MYO16: variants seen among roughly 807,000 people sequenced by gnomAD.
MYO16 encodes the protein myosin XVI, also known as unconventional myosin-XVI.
A neutral mutation model predicts 205.3 loss-of-function variants in MYO16; 94 were observed. That is an observed-to-expected ratio of 0.46 (90% CI 0.39 to 0.54). The LOEUF is 0.54. MYO16 is among the 20% of genes least tolerant of loss of function. The probability of loss-of-function intolerance (pLI) is 0.00; values close to 1 mark genes in which losing one functional copy is unlikely to be tolerated. For synonymous variants in MYO16, 988 were observed against 954.0 expected (o/e 1.04, Z -0.66); for missense variants, 2,315 against 2,387.5 (o/e 0.97, Z 0.63).
chr13:109,156,520 T>C (rs1051470955), intron 32 of MYO16, among the ~76,000 whole-genome samples: 9 of 152,236 alleles, frequency 5.9e-5, no homozygotes, highest in African/African-American at 2.2e-4. Context: ...CAGCTATAGT[T>C]TGTTTTTCTC....
At chr13:108,708,798 G>T (rs1207767702) in intron 2 of MYO16, among the ~76,000 whole-genome samples, 1 of 152,148 alleles carries the variant, frequency 6.6e-6, no homozygotes, top group Non-Finnish European at 1.5e-5. Flanking sequence ...TGGCAATACA[G>T]TATCTAGAAA....
At chr13:108,608,714 C>T (rs1230012125) in intron 1 of MYO16, among the ~76,000 whole-genome samples, 2 of 152,038 alleles carry the variant, frequency 1.3e-5, no homozygotes, top group Admixed American at 6.5e-5. Flanking sequence ...ACGATCTCAG[C>T]TCACTGCAAC....
chr13:109,068,643 G>A (rs1887829730), intron 27 of MYO16, among the ~76,000 whole-genome samples: 1 of 149,262 alleles, frequency 6.7e-6, no homozygotes, highest in African/African-American at 2.5e-5. Flanking sequence ...CCAAGCTGGA[G>A]TGCAATGGCA....
intron 4 of MYO16, among the ~76,000 whole-genome samples, chr13:108,759,623 C>A (rs1052905155): frequency 2.6e-5 from 4 of 152,050 alleles, no homozygotes; most frequent in African/African-American, 9.7e-5. Flanking sequence ...AGATTGAGAC[C>A]ATCCTGGCTA....
intron 22 of MYO16, among the ~76,000 whole-genome samples, chr13:109,011,979 G>A (rs1232540667): frequency 6.6e-6 from 1 of 151,972 alleles, no homozygotes; most frequent in African/African-American, 2.4e-5. Context: ...TCACAATAGG[G>A]GTCAATATAT....
chr13:108,796,118 A>G (rs987493925), intron 6 of MYO16, among the ~76,000 whole-genome samples: 1 of 152,134 alleles, frequency 6.6e-6, no homozygotes, highest in African/African-American at 2.4e-5. Context: ...ACAAGCTTTT[A>G]TGGGCCTATA....
At chr13:108,836,284 G>T (rs1459195630) in intron 9 of MYO16, among the ~76,000 whole-genome samples, 1 of 152,212 alleles carries the variant, frequency 6.6e-6, no homozygotes, top group African/African-American at 2.4e-5. Context: ...GGGCCTGTGG[G>T]TGCTCAGAAG....
intron 34 of MYO16, among the ~76,000 whole-genome samples, chr13:109,191,091 C>T (rs748058598): frequency 7.2e-5 from 11 of 151,856 alleles, no homozygotes; most frequent in African/African-American, 1.5e-4. Context: ...TCGTGGCAGG[C>T]GCTTGTAATC....
At chr13:108,911,447 A>G (rs1017453139) in intron 16 of MYO16, among the ~76,000 whole-genome samples, 2 of 152,142 alleles carry the variant, frequency 1.3e-5, no homozygotes, top group African/African-American at 2.4e-5. Flanking sequence ...AGGGCCGTTC[A>G]CAGATCTGAT....
chr13:108,546,720 C>A, the MYO16 span, among the ~76,000 whole-genome samples: 1 of 152,166 alleles, frequency 6.6e-6, no homozygotes, highest in African/African-American at 2.4e-5. Flanking sequence ...CCCATCACAG[C>A]ATGGATGCAA....
chr13:109,150,092 C>G (rs780239395), intron 32 of MYO16, among the ~76,000 whole-genome samples: 4 of 152,154 alleles, frequency 2.6e-5, no homozygotes, highest in Admixed American at 6.5e-5. Context: ...CACCTAGCAC[C>G]AGGAACCATG....
At chr13:109,198,589 A>T (rs1310974822) in intron 34 of MYO16, among the ~76,000 whole-genome samples, 4 of 152,210 alleles carry the variant, frequency 2.6e-5, no homozygotes, top group Non-Finnish European at 5.9e-5. Flanking sequence ...ATAAATCGTG[A>T]GAAGTGCACC....
the MYO16 span, among the ~76,000 whole-genome samples, chr13:108,554,743 G>A: frequency 2.0e-5 from 3 of 151,378 alleles, no homozygotes; most frequent in African/African-American, 7.3e-5. Context: ...CCAGCTACTC[G>A]GGAGGCTGAG....
chr13:108,791,940 A>C (rs77336740), intron 5 of MYO16, among the ~76,000 whole-genome samples: 3,254 of 152,342 alleles, frequency 0.021, 50 homozygotes, highest in Non-Finnish European at 0.031. Flanking sequence ...TGCCAGGATG[A>C]AATCAGATAA....
intron 24 of MYO16, 115 bp downstream of exon 24, chr13:109,047,106 G>A: frequency 1.3e-6 from 1 of 768,440 alleles, no homozygotes; most frequent in Non-Finnish European, 2.1e-6. Flanking sequence ...TAATTGAAAT[G>A]CCTTTTGCAT....
intron 12 of MYO16, among the ~76,000 whole-genome samples, chr13:108,873,637 A>C: frequency 7.9e-6 from 1 of 126,608 alleles, no homozygotes; most frequent in African/African-American, 2.9e-5. Flanking sequence ...AGGCCAACCA[A>C]CCAGGACAGG....
intron 28 of MYO16, among the ~76,000 whole-genome samples, chr13:109,105,460 G>A (rs1974017): frequency 0.12 from 17,537 of 152,192 alleles, 1,285 homozygotes; most frequent in Middle Eastern, 0.19. Context: ...CAACAAGAGT[G>A]AAACTCCATC....
At chr13:108,668,660 C>T (rs1881848553) in intron 2 of MYO16, among the ~76,000 whole-genome samples, 1 of 152,190 alleles carries the variant, frequency 6.6e-6, no homozygotes, top group African/African-American at 2.4e-5. Context: ...TGCTCCTTCT[C>T]ACGCTTCAGT....
chr13:108,784,613 T>C (rs1338912195), intron 4 of MYO16, among the ~76,000 whole-genome samples: 2 of 152,226 alleles, frequency 1.3e-5, no homozygotes, highest in Admixed American at 6.5e-5. Context: ...GAAAAAACTC[T>C]AAATATTAAC....
Sources: allele counts gnomAD v4.1 joint callset (sites outside exome capture counted in the v4.1 genomes callset), GRCh38; gene constraint gnomAD v4.1.1; transcripts MANE v1.5; gene names NCBI Gene and HGNC (gene_info 2026-07-23, HGNC 2026-07-21).